DLGAP2: variants seen among roughly 807,000 people sequenced by gnomAD.
DLGAP2 encodes the protein DLG associated protein 2, also known as disks large-associated protein 2.
In DLGAP2, 26 loss-of-function variants were observed where a neutral mutation model predicts 100.3. That is an observed-to-expected ratio of 0.26 (90% CI 0.19 to 0.36). DLGAP2 has a LOEUF of 0.36. DLGAP2 is among the 10% of genes least tolerant of loss of function. DLGAP2 has a pLI of 1.00. For synonymous variants in DLGAP2, 886 were observed against 630.1 expected (o/e 1.41, Z -6.08); for missense variants, 1,858 against 1,453.2 (o/e 1.28, Z -4.53).
At chr8:808,951 G>T (rs539758404) in intron 1 of DLGAP2, among the ~76,000 whole-genome samples, 1 of 147,000 alleles carries the variant, frequency 6.8e-6, no homozygotes, top group Admixed American at 6.9e-5. Flanking sequence ...CTGTCCCCCA[G>T]GCTGAAGTGC....
At chr8:1,197,604 G>T (rs753704036) in intron 2 of DLGAP2, among the ~76,000 whole-genome samples, 2 of 151,254 alleles carry the variant, frequency 1.3e-5, no homozygotes, top group Non-Finnish European at 2.9e-5. Flanking sequence ...CGAAGCCAAT[G>T]TGGAGCATCT....
Position 1,337,500 on chromosome 8 carries a change from G to T in DLGAP2, c.106+78617G>T, listed in dbSNP as rs986989674. On this transcript the variant is annotated intron_variant, in intron 3 of 14. Coordinates refer to ENST00000637795, the MANE Select transcript of DLGAP2 (RefSeq NM_001346810.2). Reference sequence around the variant, plus strand: ...TGGGGATGGGGATGATAGTGGTGATGAGGATGATGATGGTGATGCTGATGA... The same window carrying T: ...TGGGGATGGGGATGATAGTGGTGATTAGGATGATGATGGTGATGCTGATGA... 1.2e-3 allele frequency among the ~76,000 whole-genome samples: 176 copies of T among 150,612 alleles called. 2 individuals carry two copies. The highest frequency in any genetic ancestry group is 3.2e-3 in the Admixed American group (49 of 15,100).
intron 2 of DLGAP2, among the ~76,000 whole-genome samples, chr8:1,106,442 G>C (rs1312946900): frequency 6.7e-6 from 1 of 149,310 alleles, no homozygotes; most frequent in African/African-American, 2.5e-5. Context: ...GTTTTCTACT[G>C]AAGGAGGCCA....
At chr8:1,586,784 G>A (rs1175126668) in intron 6 of DLGAP2, among the ~76,000 whole-genome samples, 1 of 152,192 alleles carries the variant, frequency 6.6e-6, no homozygotes, top group Non-Finnish European at 1.5e-5. Flanking sequence ...TTACTGCACA[G>A]AGTGTTGTAA....
chr8:1,460,897 T>C (rs1798452258), intron 3 of DLGAP2, among the ~76,000 whole-genome samples: 1 of 152,056 alleles, frequency 6.6e-6, no homozygotes, highest in African/African-American at 2.4e-5. Context: ...AGTCTTTGGG[T>C]CGGTAGGGAT....
At chr8:1,622,077 A>G (rs1370832705) in intron 6 of DLGAP2, 1 of 152,250 alleles carries the variant, frequency 6.6e-6, no homozygotes, top group African/African-American at 2.4e-5. Flanking sequence ...AAGGTGTTCT[A>G]AGAATTTCCA....
At chr8:1,315,091 G>A (rs879548660) in intron 3 of DLGAP2, among the ~76,000 whole-genome samples, 18 of 152,322 alleles carry the variant, frequency 1.2e-4, no homozygotes, top group African/African-American at 3.4e-4. Context: ...TTTCAGAAGC[G>A]GCGACACCAT....
At chr8:1,205,532 G>T (rs543890970) in intron 2 of DLGAP2, among the ~76,000 whole-genome samples, 1 of 152,310 alleles carries the variant, frequency 6.6e-6, no homozygotes, top group East Asian at 1.9e-4. Context: ...ATTCCCAGAT[G>T]GCTGGTGGCG....
chr8:1,078,143 C>G (rs537197609), intron 2 of DLGAP2, among the ~76,000 whole-genome samples: 6 of 152,270 alleles, frequency 3.9e-5, no homozygotes, highest in African/African-American at 1.2e-4. Context: ...CCAGCTCCCT[C>G]AACACGCTGG....
rs370635533 is a variant in DLGAP2 at position 1,695,496 on chromosome 8, T to G, written c.2797-1651T>G. 3.0e-5 allele frequency among the ~76,000 whole-genome samples: 4 copies of G among 134,724 alleles called. No homozygotes were observed. The South Asian group carries it at 9.6e-4, about 32-fold the overall frequency. 88.4% of individuals were successfully genotyped at this position (134,724 alleles called of 152,430 possible). ...ACTACAGAAAGAGGGGGCACAGCCA[T>G]GCCCGGCCCTACAGAAAGGGGGCAC... On this transcript the variant is annotated intron_variant, in intron 13 of 14. Transcript: ENST00000637795.
chr8:1,195,089 C>T (rs1038339968), intron 2 of DLGAP2, among the ~76,000 whole-genome samples: 2 of 152,252 alleles, frequency 1.3e-5, no homozygotes, highest in African/African-American at 4.8e-5. Context: ...TCTTTCCAGG[C>T]CCCCGGCATC....
At chr8:919,045 A>G (rs1403492209) in intron 2 of DLGAP2, among the ~76,000 whole-genome samples, 1 of 152,070 alleles carries the variant, frequency 6.6e-6, no homozygotes, top group Non-Finnish European at 1.5e-5. Flanking sequence ...GGCTCAAGTG[A>G]TCCTCCCTTC....
At chr8:1,022,804 C>T (rs1801667421) in intron 2 of DLGAP2, among the ~76,000 whole-genome samples, 1 of 152,090 alleles carries the variant, frequency 6.6e-6, no homozygotes, top group Non-Finnish European at 1.5e-5. Flanking sequence ...CCAGCCGCCA[C>T]CCATCCCCCC....
chr8:1,313,376 G>A (rs1585249081), intron 3 of DLGAP2, among the ~76,000 whole-genome samples: 2 of 152,144 alleles, frequency 1.3e-5, no homozygotes, highest in East Asian at 3.9e-4. Context: ...GATTCTGGAG[G>A]AATCCGTGAG....
intron 12 of DLGAP2, among the ~76,000 whole-genome samples, chr8:1,683,172 A>T (rs1799002573): frequency 6.6e-6 from 1 of 151,682 alleles, no homozygotes; most frequent in Non-Finnish European, 1.5e-5. Context: ...CAGATAAAGT[A>T]CTTAAAAACT....
chr8:970,064 A>G (rs2134497), intron 2 of DLGAP2, among the ~76,000 whole-genome samples: 3,330 of 152,274 alleles, frequency 0.022, 116 homozygotes, highest in African/African-American at 0.075. Flanking sequence ...ATTCTGACAT[A>G]TATCTTCATT....
chr8:1,378,183 C>T lies in DLGAP2; in HGVS notation c.106+119300C>T, dbSNP rs111231123. 2.8e-3 allele frequency: 485 copies of T among 174,082 alleles called. 1 individual carries two copies. The highest frequency in any genetic ancestry group is 0.011 in the African/African-American group (472 of 41,588). The allele number at this position is 174,082 out of a possible 1,614,324, so 10.8% of individuals were successfully genotyped here. On this transcript the variant is annotated intron_variant, in intron 3 of 14. Coordinates refer to ENST00000637795, the MANE Select transcript of DLGAP2 (RefSeq NM_001346810.2). ...CTGTCCTGCGCACACCTGACCTCAC[C>T]TGTCCATCCTGTGCACACCTGACCT...
At chr8:856,081 G>A (rs571315327) in intron 1 of DLGAP2, among the ~76,000 whole-genome samples, 4 of 151,718 alleles carry the variant, frequency 2.6e-5, no homozygotes, top group East Asian at 1.9e-4. Flanking sequence ...TAAAAGATAT[G>A]CATATTGGGA....
At chr8:1,496,895 C>T (rs576085539) in intron 3 of DLGAP2, among the ~76,000 whole-genome samples, 4 of 152,282 alleles carry the variant, frequency 2.6e-5, no homozygotes, top group South Asian at 4.1e-4. Flanking sequence ...AATAGCCAGA[C>T]GACCTTGCTA....
Sources: gnomAD v4.1 joint callset for allele counts (sites outside exome capture counted in the v4.1 genomes callset) on GRCh38, gnomAD v4.1.1 for gene constraint, MANE v1.5 for transcripts, NCBI Gene and HGNC (gene_info 2026-07-23, HGNC 2026-07-21) for gene names.